The following PTTG1IP2 variants were observed in gnomAD, a reference collection of about 807,000 sequenced individuals.
PTTG1IP2 encodes PTTG1IP family member 2.
intron 6 of PTTG1IP2, among the ~76,000 whole-genome samples, chr7:90,497,555 A>T (rs8180852): frequency 7.7e-6 from 1 of 130,642 alleles, no homozygotes; most frequent in Non-Finnish European, 1.6e-5. Flanking sequence ...CAGAGCGAGA[A>T]TCCGTCTCAA....
chr7:90,505,549 A>C (rs573711749), intron 6 of PTTG1IP2, among the ~76,000 whole-genome samples: 6 of 152,210 alleles, frequency 3.9e-5, no homozygotes, highest in Non-Finnish European at 8.8e-5. Flanking sequence ...ATGGAGAAAG[A>C]CTTAACCTAC....
intron 5 of PTTG1IP2, among the ~76,000 whole-genome samples, chr7:90,493,063 A>G (rs1187267899): frequency 6.6e-6 from 1 of 152,178 alleles, no homozygotes; most frequent in Non-Finnish European, 1.5e-5. Context: ...TTGGACCACA[A>G]AAAAATTTTA....
rs1296026147 is a variant in PTTG1IP2 at position 90,488,907 on chromosome 7, C to G, written c.323C>G (p.Ala108Gly). 2 of 151,850 alleles carry G rather than the reference C, an allele frequency of 1.3e-5. No homozygotes were observed. The highest frequency in any genetic ancestry group is 2.1e-4 in the South Asian group (1 of 4,822). The allele number at this position is 151,850 out of a possible 1,614,324, so 9.4% of individuals were successfully genotyped here. Reference sequence around the variant, plus strand: ...GGAATCATGATGCTTCTACTCATTGCAGTATTAATTACAGGATTCGTTTGG... The same window carrying G: ...GGAATCATGATGCTTCTACTCATTGGAGTATTAATTACAGGATTCGTTTGG... Reference protein sequence around the residue: ...MFGIMMLLLIAVLITGFVWYC... With the variant: ...MFGIMMLLLIGVLITGFVWYC... Residue 108 changes from alanine (A) to glycine (G), a missense_variant, in exon 4 of 7, where the codon GCA (alanine) becomes GGA (glycine). Ala to Gly is a moderately conservative substitution (Grantham distance 60). Coordinates refer to ENST00000509356, the MANE Select transcript of PTTG1IP2 (RefSeq NM_001365443.2).
intron 6 of PTTG1IP2, among the ~76,000 whole-genome samples, chr7:90,505,695 C>T (rs1798115377): frequency 1.3e-5 from 2 of 152,224 alleles, no homozygotes; most frequent in East Asian, 1.9e-4. Flanking sequence ...TAAGAAAATG[C>T]CTGTTTCGGC....
chr7:90,503,109 C>G (rs543786896), intron 6 of PTTG1IP2, among the ~76,000 whole-genome samples: 1 of 152,330 alleles, frequency 6.6e-6, no homozygotes, highest in South Asian at 2.1e-4. Context: ...ACATTAGCAC[C>G]TGCTGCTTCG....
intron 6 of PTTG1IP2, among the ~76,000 whole-genome samples, chr7:90,504,335 C>T (rs746612258): frequency 2.6e-5 from 4 of 151,466 alleles, no homozygotes; most frequent in Non-Finnish European, 5.9e-5. Context: ...AAAAAAAGCA[C>T]ATCTAATGGG....
chr7:90,487,968 C>T (rs920729791), intron 3 of PTTG1IP2, among the ~76,000 whole-genome samples: 35 of 151,968 alleles, frequency 2.3e-4, no homozygotes, highest in African/African-American at 8.5e-4. Flanking sequence ...AATTGCTATT[C>T]AGAATAATGA....
intron 2 of PTTG1IP2, among the ~76,000 whole-genome samples, chr7:90,483,239 T>G (rs999088291): frequency 6.6e-6 from 1 of 152,182 alleles, no homozygotes; most frequent in Admixed American, 6.6e-5. Context: ...GGCATGATCC[T>G]CCTTTCAGGG....
At chr7:90,509,032 T>C (rs1798155860) in intron 6 of PTTG1IP2, among the ~76,000 whole-genome samples, 1 of 152,140 alleles carries the variant, frequency 6.6e-6, no homozygotes, top group South Asian at 2.1e-4. Flanking sequence ...GTGGGGAATC[T>C]TGAAATCTCC....
At chr7:90,475,181 T>C (rs1797733751) in intron 1 of PTTG1IP2, among the ~76,000 whole-genome samples, 1 of 152,190 alleles carries the variant, frequency 6.6e-6, no homozygotes. Flanking sequence ...TTATGAACTT[T>C]TATGGCAAGC....
At chr7:90,483,164 T>G (rs1201417136) in intron 2 of PTTG1IP2, among the ~76,000 whole-genome samples, 2 of 152,096 alleles carry the variant, frequency 1.3e-5, no homozygotes, top group Admixed American at 1.3e-4. Flanking sequence ...CTGGAATAAA[T>G]ATATGGACAA....
chr7:90,470,656 G>A (rs746088467), intron 1 of PTTG1IP2, among the ~76,000 whole-genome samples: 4 of 152,136 alleles, frequency 2.6e-5, no homozygotes, highest in Admixed American at 6.5e-5. Flanking sequence ...AGTTCTCAGC[G>A]TTGCACTGAA....
intron 1 of PTTG1IP2, among the ~76,000 whole-genome samples, chr7:90,476,931 T>TA (rs572044387): frequency 2.0e-5 from 3 of 152,240 alleles, no homozygotes; most frequent in African/African-American, 4.8e-5. Context: ...GCAATGCCAA[T>TA]AAAAAAATTT....
chr7:90,490,185 A>C (rs969999004), intron 4 of PTTG1IP2, among the ~76,000 whole-genome samples: 1 of 151,846 alleles, frequency 6.6e-6, no homozygotes, highest in African/African-American at 2.4e-5. Context: ...CCTCAAGTAA[A>C]TTTTTCAAAG....
intron 6 of PTTG1IP2, among the ~76,000 whole-genome samples, chr7:90,499,813 C>T (rs2116108428): frequency 6.6e-6 from 1 of 152,206 alleles, no homozygotes; most frequent in Non-Finnish European, 1.5e-5. Context: ...GAACTCCTCA[C>T]CTCAAGTGAT....
intron 6 of PTTG1IP2, among the ~76,000 whole-genome samples, chr7:90,508,161 G>A (rs527570809): frequency 1.3e-5 from 2 of 151,902 alleles, no homozygotes; most frequent in African/African-American, 4.8e-5. Context: ...CAGTGACTTG[G>A]GGGGCTGAGG....
chr7:90,477,954 G>A (rs989039513), intron 1 of PTTG1IP2, among the ~76,000 whole-genome samples: 3 of 151,686 alleles, frequency 2.0e-5, no homozygotes, highest in South Asian at 2.1e-4. Flanking sequence ...AAAATTAGCC[G>A]GGCGTGGTGG....
At chr7:90,472,320 A>ACACACACC (rs200172778) in intron 1 of PTTG1IP2, among the ~76,000 whole-genome samples, 2 of 101,854 alleles carry the variant, frequency 2.0e-5, no homozygotes, top group African/African-American at 3.6e-5. Flanking sequence ...ACACACACAC[A>ACACACACC]CCCCAAATAA....
chr7:90,507,109 G>GT (rs1402105065), intron 6 of PTTG1IP2, among the ~76,000 whole-genome samples: 2 of 152,158 alleles, frequency 1.3e-5, no homozygotes, highest in Non-Finnish European at 2.9e-5. Flanking sequence ...ACCAGCACTT[G>GT]TTTTTTGCGA....
Sources: allele counts gnomAD v4.1 joint callset (sites outside exome capture counted in the v4.1 genomes callset), GRCh38; gene constraint gnomAD v4.1.1; transcripts MANE v1.5; gene names NCBI Gene and HGNC (gene_info 2026-07-23, HGNC 2026-07-21).